The following DMXL1 variants were observed in gnomAD, a reference collection of about 807,000 sequenced individuals.
DMXL1 encodes the protein dmX-like protein 1.
A neutral mutation model predicts 319.2 loss-of-function variants in DMXL1; 99 were observed. The ratio of observed to expected loss-of-function variants is 0.31; its 90% CI spans 0.26 to 0.37. The LOEUF is 0.37. Among genes scored for constraint, DMXL1 ranks in the 10% least tolerant of loss-of-function variants. The pLI is 1.00. For missense variants in DMXL1, 3,745 were observed against 3,595.6 expected (o/e 1.04, Z -1.06); for synonymous variants, 1,385 against 1,235.2 (o/e 1.12, Z -2.54).
chr5:119,175,251 T>C lies in DMXL1; in HGVS notation c.6682-10T>C, dbSNP rs771595669. 1 of 1,603,054 alleles carries C rather than the reference T, an allele frequency of 6.2e-7. No homozygotes were observed. Among genetic ancestry groups the C allele is most frequent in the Non-Finnish European group, 8.5e-7 (1 of 1,175,692 alleles). On this transcript the variant is annotated splice_polypyrimidine_tract_variant and intron_variant, in intron 25 of 43. Transcript: ENST00000539542. ...GTTATACTTAAAGTAATTTTGTTTT[T>C]GTTTTCCAGGTGTATGTAATGCATA...
Position 119,166,795 on chromosome 5 carries a change from T to A in DMXL1, c.5136+14T>A, listed in dbSNP as rs752724820. ...GATGCAATTGAGGTAATGAGTGAAA[T>A]TTAAATAACAAAGTATAGCAATGTC... On this transcript the variant is annotated intron_variant, in intron 22 of 43. Transcript: ENST00000539542. 1 of 1,592,542 alleles carries A rather than the reference T, an allele frequency of 6.3e-7. No homozygotes were observed. The highest frequency in any genetic ancestry group is 1.8e-5 in the Admixed American group (1 of 54,808).
Position 119,151,965 on chromosome 5 carries a change from T to A in DMXL1, c.4631T>A (p.Leu1544His). 6.2e-7 allele frequency: 1 copy of A among 1,613,348 alleles called. No individual in the cohort carries two copies. Among genetic ancestry groups the A allele is most frequent in the Non-Finnish European group, 8.5e-7 (1 of 1,179,558 alleles). Residue 1544 changes from leucine (L) to histidine (H), a missense_variant, in exon 19 of 44, where the codon CTT (leucine) becomes CAT (histidine). Around this residue, in one of 4 missense-constraint regions of DMXL1, gnomAD observed 2,096 missense variants for 1,985.4 expected, o/e 1.06. Transcript: ENST00000539542. ...CTTGATGAATGTGGGTTAAAATTTC[T>A]TTTGGCTGTTCGACTCCATACCTTT... ...ETLDECGLKF[L>H]LAVRLHTFLT... is the part of the protein sequence containing the mutation.
In DMXL1 at chr5:119,145,862, G is replaced by A. The variant is rs1305984278; in HGVS notation, c.2570-975G>A. Among the ~76,000 whole-genome samples the A allele has an allele frequency of 2.0e-5, 3 of 151,612 alleles. No homozygotes were observed. In the South Asian group the frequency reaches 6.2e-4, roughly 31 times the overall value. On this transcript the variant is annotated intron_variant, in intron 15 of 43. Transcript: ENST00000539542. ...ATATCTTTTGCTCTATTATGAAGAA[G>A]AAAAATGTTTTACAAATATTTTCAT...
At position 119,170,104 on chromosome 5, in the gene DMXL1, G is replaced by A. The variant is rs1774252264; in HGVS notation, c.5399-86G>A. 4.4e-6 allele frequency: 6 copies of A among 1,371,496 alleles called. No individual in the cohort carries two copies. The Admixed American group carries it at 1.1e-4, about 25-fold the overall frequency. 85.0% of individuals were successfully genotyped at this position (1,371,496 alleles called of 1,614,324 possible). Reference sequence around the variant, plus strand: ...TTGTCAAAAGACTCTTTAGATAAAGGTGTCATAGTAGATAGAGAAAAGACA... The same window carrying A: ...TTGTCAAAAGACTCTTTAGATAAAGATGTCATAGTAGATAGAGAAAAGACA... On this transcript the variant is annotated intron_variant, in intron 23 of 43. Transcript: ENST00000539542.
chr5:119,148,896 G>C lies in DMXL1; in HGVS notation c.3069G>C (p.Trp1023Cys). The change falls in exon 18 of 44, where the codon TGG (tryptophan) becomes TGC (cysteine). Residue 1023 changes from tryptophan to cysteine, a missense_variant. Around this residue, in one of 4 missense-constraint regions of DMXL1, gnomAD observed 2,096 missense variants for 1,985.4 expected, o/e 1.06. Coordinates refer to ENST00000539542, the MANE Select transcript of DMXL1 (RefSeq NM_001290321.3). ...GAAAAATTGATCTTGCATACATTTG[G>C]GAAGAATGGCCATTACTTATTGAAG... is the stretch of plus-strand genomic sequence containing the variant. ...KNGKIDLAYI[W>C]EEWPLLIEDG... 6.2e-7 allele frequency: 1 copy of C among 1,613,786 alleles called. No homozygotes were observed.
chr5:119,150,509 C>G (rs1327934236), intron 18 of DMXL1, 88 bp downstream of exon 18: 2 of 1,400,084 alleles, frequency 1.4e-6, no homozygotes, highest in Admixed American at 2.5e-5. Flanking sequence ...ATGCCATTGG[C>G]TAGGCACAGG....
chr5:119,088,710 C>G (rs1341560750), intron 1 of DMXL1, among the ~76,000 whole-genome samples: 4 of 151,904 alleles, frequency 2.6e-5, no homozygotes, highest in Non-Finnish European at 5.9e-5. Flanking sequence ...TATTGAAGTG[C>G]GTTATTATCT....
chr5:119,204,118 G>A (rs572036997), intron 33 of DMXL1, among the ~76,000 whole-genome samples: 44 of 151,776 alleles, frequency 2.9e-4, no homozygotes, highest in Middle Eastern at 3.5e-3. Flanking sequence ...CACCACGCCC[G>A]GCCTGAAAAA....
chr5:119,176,529 G>T (rs1775829875), intron 26 of DMXL1, among the ~76,000 whole-genome samples: 1 of 151,858 alleles, frequency 6.6e-6, no homozygotes, highest in South Asian at 2.1e-4. Flanking sequence ...AGGAATGAGG[G>T]AGTTTTTTTT....
chr5:119,141,181 C>G (rs1354826005), intron 13 of DMXL1, among the ~76,000 whole-genome samples: 1 of 152,092 alleles, frequency 6.6e-6, no homozygotes, highest in African/African-American at 2.4e-5. Flanking sequence ...AGCATTCCCC[C>G]TGAAAACTGA....
intron 34 of DMXL1, among the ~76,000 whole-genome samples, chr5:119,213,603 C>T (rs1324057031): frequency 6.6e-6 from 1 of 152,098 alleles, no homozygotes; most frequent in Non-Finnish European, 1.5e-5. Flanking sequence ...AAGATTTAAA[C>T]AATAATGTTG....
chr5:119,180,329 C>G (rs1776563136), intron 28 of DMXL1, among the ~76,000 whole-genome samples: 1 of 152,108 alleles, frequency 6.6e-6, no homozygotes, highest in Non-Finnish European at 1.5e-5. Flanking sequence ...TTCCTTTAGC[C>G]AATCTAGGGG....
At chr5:119,209,088 A>G (rs955319424) in intron 34 of DMXL1, among the ~76,000 whole-genome samples, 2 of 152,208 alleles carry the variant, frequency 1.3e-5, no homozygotes, top group Non-Finnish European at 2.9e-5. Context: ...TGGATATACC[A>G]TAGTTTATTT....
chr5:119,210,757 G>GT, intron 34 of DMXL1, among the ~76,000 whole-genome samples: 44,042 of 89,864 alleles, frequency 0.49, 12,259 homozygotes, highest in East Asian at 0.84. Context: ...TTTTTCTTTC[G>GT]TTTTTTTTTT....
chr5:119,211,131 G>A (rs36049007), intron 34 of DMXL1, among the ~76,000 whole-genome samples: 171 of 151,268 alleles, frequency 1.1e-3, no homozygotes, highest in Non-Finnish European at 1.9e-3. Context: ...ATACTTGGTC[G>A]TGATGTGTTA....
chr5:119,221,878 G>A (rs528300344), intron 37 of DMXL1, among the ~76,000 whole-genome samples: 1 of 151,404 alleles, frequency 6.6e-6, no homozygotes, highest in Non-Finnish European at 1.5e-5. Flanking sequence ...TGTAGTGTTG[G>A]AGGATCTTTT....
intron 40 of DMXL1, chr5:119,238,759 T>G (rs533172671): frequency 6.3e-6 from 2 of 319,634 alleles, no homozygotes; most frequent in Non-Finnish European, 9.0e-6. Context: ...GAAAGAGAAG[T>G]AGAGGCAAAA....
At chr5:119,245,586 C>T (rs1404487234) in intron 43 of DMXL1, among the ~76,000 whole-genome samples, 1 of 147,886 alleles carries the variant, frequency 6.8e-6, no homozygotes, top group Non-Finnish European at 1.5e-5. Flanking sequence ...TGTCGCCAGG[C>T]TGGAGCACAG....
At chr5:119,112,463 C>T (rs1294077836) in intron 5 of DMXL1, among the ~76,000 whole-genome samples, 3 of 152,088 alleles carry the variant, frequency 2.0e-5, no homozygotes, top group Non-Finnish European at 4.4e-5. Context: ...ACTGGTGTAA[C>T]AGGATTTAAG....
Sources: allele counts gnomAD v4.1 joint callset (sites outside exome capture counted in the v4.1 genomes callset), GRCh38; gene constraint gnomAD v4.1.1; regional missense constraint gnomAD v4.1.1; transcripts MANE v1.5; gene names NCBI Gene and HGNC (gene_info 2026-07-23, HGNC 2026-07-21).